KDM4C: variants seen among roughly 807,000 people sequenced by gnomAD.
KDM4C encodes the protein lysine-specific demethylase 4C.
KDM4C carries 81 observed loss-of-function variants against 129.3 expected under a neutral mutation model. The ratio of observed to expected loss-of-function variants is 0.63; its 90% confidence interval spans 0.52 to 0.75. KDM4C has a LOEUF of 0.75. Among genes scored for constraint, KDM4C ranks in the 30% least tolerant of loss-of-function variants. KDM4C has a pLI of 0.00. For synonymous variants in KDM4C, 573 were observed against 456.1 expected, an observed-to-expected ratio of 1.26 and a Z score of -3.26; for missense variants, 1,457 against 1,304.0, an observed-to-expected ratio of 1.12 and a Z score of -1.81.
At chr9:7,120,388 T>G (rs1279995644) in intron 18 of KDM4C, among the ~76,000 whole-genome samples, 1 of 152,202 alleles carries the variant, frequency 6.6e-6, no homozygotes, top group Non-Finnish European at 1.5e-5. Context: ...AGGGCCTGTA[T>G]AATTTCCAAG....
Position 6,990,442 on chromosome 9 carries a change from T to C in KDM4C, c.1704T>C (p.Ser568=). 1.2e-6 allele frequency: 2 copies of C among 1,613,430 alleles called. No homozygotes were observed. The highest frequency in any genetic ancestry group is 1.1e-5 in the South Asian group (1 of 91,034). The change falls in exon 12 of 22, where the codon TCT becomes TCC. Residue 568 remains serine (S), a synonymous_variant. Coordinates refer to ENST00000381309, the MANE Select transcript of KDM4C (RefSeq NM_015061.6). ...PSIAEGENKT[S]KSWRHPLSRP... is the part of the protein sequence containing the mutation. ...TAGCAGAGGGAGAGAACAAAACCTC[T>C]AAGAGTTGGCGCCATCCACTTAGCA...
At chr9:6,780,749 CAA>C (rs1304170037) in intron 1 of KDM4C, among the ~76,000 whole-genome samples, 1 of 75,344 alleles carries the variant, frequency 1.3e-5, no homozygotes, top group Non-Finnish European at 2.3e-5. Flanking sequence ...GCCTGGGCAA[CAA>C]GAGTGAAACT....
intron 11 of KDM4C, among the ~76,000 whole-genome samples, chr9:6,988,590 A>G (rs1035417168): frequency 3.3e-5 from 5 of 152,120 alleles, no homozygotes; most frequent in African/African-American, 4.8e-5. Flanking sequence ...GTGTAATGCT[A>G]TGTGTATGCT....
chr9:6,825,643 C>G (rs1420523975), intron 4 of KDM4C, among the ~76,000 whole-genome samples: 1 of 152,176 alleles, frequency 6.6e-6, no homozygotes, highest in Non-Finnish European at 1.5e-5. Flanking sequence ...GAACTCATGT[C>G]TCTGCATCTC....
intron 6 of KDM4C, among the ~76,000 whole-genome samples, chr9:6,881,087 A>G (rs549167860): frequency 6.6e-6 from 1 of 152,330 alleles, no homozygotes; most frequent in African/African-American, 2.4e-5. Flanking sequence ...TCTATTAGGA[A>G]AAGAATTTTG....
intron 1 of KDM4C, among the ~76,000 whole-genome samples, chr9:6,790,894 C>G (rs1037121840): frequency 2.6e-5 from 4 of 152,058 alleles, no homozygotes; most frequent in East Asian, 1.9e-4. Flanking sequence ...CGAGATTAAG[C>G]CTGTGTTTTC....
intron 1 of KDM4C, among the ~76,000 whole-genome samples, chr9:6,790,922 C>T (rs954191876): frequency 2.0e-5 from 3 of 152,166 alleles, no homozygotes; most frequent in African/African-American, 7.2e-5. Context: ...AACCTGCCTA[C>T]TTTCCTACTT....
intron 19 of KDM4C, among the ~76,000 whole-genome samples, chr9:7,144,960 A>C (rs1470210368): frequency 6.6e-6 from 1 of 152,200 alleles, no homozygotes; most frequent in East Asian, 1.9e-4. Flanking sequence ...TTTCTACCAC[A>C]GTGGCTGAGA....
chr9:6,770,434 A>ATCTGTGAAAACACAG (rs1821527264), intron 1 of KDM4C, among the ~76,000 whole-genome samples: 1 of 152,122 alleles, frequency 6.6e-6, no homozygotes, highest in Non-Finnish European at 1.5e-5. Flanking sequence ...AATACATGTC[A>ATCTGTGAAAACACAG]ATATCTGTGT....
chr9:7,112,864 G>T (rs562238635), intron 18 of KDM4C, among the ~76,000 whole-genome samples: 1 of 152,156 alleles, frequency 6.6e-6, no homozygotes, highest in African/African-American at 2.4e-5. Context: ...GTGTCTCTAA[G>T]ATCCTGGGTG....
At chr9:6,742,695 A>G (rs201604400) in intron 1 of KDM4C, among the ~76,000 whole-genome samples, 1 of 89,746 alleles carries the variant, frequency 1.1e-5, no homozygotes, top group Non-Finnish European at 2.2e-5. Context: ...TTTTTTTTTT[A>G]GAAGGAGTCT....
At chr9:7,102,716 C>T (rs1837242119) in intron 17 of KDM4C, among the ~76,000 whole-genome samples, 1 of 152,110 alleles carries the variant, frequency 6.6e-6, no homozygotes, top group Admixed American at 6.5e-5. Flanking sequence ...TTTATTGTCC[C>T]AGAAAAGAAA....
At chr9:7,101,525 A>G (rs1269221583) in intron 17 of KDM4C, among the ~76,000 whole-genome samples, 1 of 152,208 alleles carries the variant, frequency 6.6e-6, no homozygotes, top group Non-Finnish European at 1.5e-5. Context: ...GCATTGAGTT[A>G]TAATAGTTTA....
intron 4 of KDM4C, among the ~76,000 whole-genome samples, chr9:6,840,941 C>T (rs1402965134): frequency 1.3e-5 from 2 of 152,290 alleles, no homozygotes; most frequent in East Asian, 3.9e-4. Context: ...GCTATGTCAG[C>T]CCTTGGAAAG....
At chr9:6,864,767 G>T (rs893148003) in intron 5 of KDM4C, among the ~76,000 whole-genome samples, 4 of 151,326 alleles carry the variant, frequency 2.6e-5, no homozygotes, top group Non-Finnish European at 4.4e-5. Flanking sequence ...GTAATTCTTA[G>T]ATTTGGTCTT....
At chr9:6,815,567 A>G (rs1831929578) in intron 4 of KDM4C, among the ~76,000 whole-genome samples, 1 of 152,138 alleles carries the variant, frequency 6.6e-6, no homozygotes, top group South Asian at 2.1e-4. Flanking sequence ...AACTAGTGCA[A>G]TACACACCTG....
chr9:7,063,602 A>G (rs1184160595), intron 17 of KDM4C, among the ~76,000 whole-genome samples: 1 of 152,230 alleles, frequency 6.6e-6, no homozygotes, highest in African/African-American at 2.4e-5. Flanking sequence ...ACGATATTAC[A>G]GGGTAATGGA....
At chr9:7,091,060 A>C (rs556597439) in intron 17 of KDM4C, among the ~76,000 whole-genome samples, 111 of 151,624 alleles carry the variant, frequency 7.3e-4, no homozygotes, top group Non-Finnish European at 1.3e-3. Flanking sequence ...TTTGAGGAAA[A>C]CCCCCCCAAA....
intron 18 of KDM4C, among the ~76,000 whole-genome samples, chr9:7,114,009 C>A (rs1023030744): frequency 6.6e-6 from 1 of 152,162 alleles, no homozygotes. Flanking sequence ...GATAAAAATA[C>A]TGATGTGAGG....
Sources: allele counts gnomAD v4.1 joint callset (sites outside exome capture counted in the v4.1 genomes callset), GRCh38; gene constraint gnomAD v4.1.1; transcripts MANE v1.5; gene names NCBI Gene and HGNC (gene_info 2026-07-23, HGNC 2026-07-21).